Variants in DAP observed in about 807,000 individuals in gnomAD.
The protein encoded by DAP is death-associated protein 1.
A neutral mutation model predicts 13.8 loss-of-function variants in DAP; 8 were observed. The ratio of observed to expected loss-of-function variants is 0.58; its 90% CI spans 0.34 to 1.05. The LOEUF (loss-of-function observed/expected upper bound fraction) is 1.05, where lower values mean the gene tolerates loss of function less well. Among genes scored for constraint, DAP ranks in the 50% least tolerant of loss-of-function variants. The pLI, the probability that DAP is intolerant of heterozygous loss-of-function variation, is 0.03. For synonymous variants in DAP, 47 were observed against 47.5 expected (o/e 0.99, Z 0.04); for missense variants, 106 against 133.2 (o/e 0.80, Z 1.01).
At chr5:10,689,119 G>A (rs1738233006) in intron 2 of DAP, among the ~76,000 whole-genome samples, 1 of 152,150 alleles carries the variant, frequency 6.6e-6, no homozygotes, top group Non-Finnish European at 1.5e-5. Context: ...GTATGTACCC[G>A]GAGAAATGTG....
chr5:10,702,370 TGCAAAAGAG>T (rs77607673), intron 2 of DAP, among the ~76,000 whole-genome samples: 9,498 of 152,248 alleles, frequency 0.062, 319 homozygotes, highest in African/African-American at 0.083. Flanking sequence ...CTCAAAGGCT[TGCAAAAGAG>T]GCAAAAGAGC....
chr5:10,757,879 C>T (rs1289789164), intron 1 of DAP, among the ~76,000 whole-genome samples: 4 of 151,912 alleles, frequency 2.6e-5, no homozygotes, highest in East Asian at 1.9e-4. Context: ...TGTGCCACCC[C>T]GGGAATAAAG....
At chr5:10,742,429 A>G (rs267953) in intron 2 of DAP, among the ~76,000 whole-genome samples, 78,479 of 151,970 alleles carry the variant, frequency 0.52, 22,182 homozygotes, top group Non-Finnish European at 0.64. Context: ...CGGGAGGCTG[A>G]GGCAGGAGAA....
rs529369812 is a variant in DAP at position 10,730,508 on chromosome 5, C to T, written c.152+17667G>A. ...GGGCAATCTTTCTGTACTGAGAGAC[C>T]GGGTCGGGGGGAATCTTTCTCTATT... On this transcript the variant is annotated intron_variant, in intron 2 of 3. Transcript: ENST00000230895. Among the ~76,000 whole-genome samples the T allele has an allele frequency of 7.8e-4, 117 of 150,046 alleles. No individual in the cohort carries two copies. In the South Asian group the frequency reaches 0.022, roughly 29 times the overall value.
intron 2 of DAP, among the ~76,000 whole-genome samples, chr5:10,735,972 T>C (rs1035248577): frequency 2.5e-4 from 38 of 152,250 alleles, no homozygotes; most frequent in African/African-American, 9.1e-4. Context: ...CAGATGTAAT[T>C]AGTTAAGAAG....
At chr5:10,687,419 T>TG (rs1198238967) in intron 2 of DAP, among the ~76,000 whole-genome samples, 23 of 152,336 alleles carry the variant, frequency 1.5e-4, no homozygotes, top group Admixed American at 6.5e-4. Flanking sequence ...TCATGATTCA[T>TG]GGGAGGAGGT....
At chr5:10,690,157 A>G (rs1294910722) in intron 2 of DAP, among the ~76,000 whole-genome samples, 2 of 152,210 alleles carry the variant, frequency 1.3e-5, no homozygotes, top group Non-Finnish European at 2.9e-5. Context: ...AGAAAGTCTT[A>G]TCGAGCCGCA....
chr5:10,719,354 T>A (rs964098849), intron 2 of DAP, among the ~76,000 whole-genome samples: 1 of 152,184 alleles, frequency 6.6e-6, no homozygotes, highest in Non-Finnish European at 1.5e-5. Context: ...ACTTGGGCCA[T>A]ATGACCCAGC....
chr5:10,695,671 G>T (rs940307834), intron 2 of DAP, among the ~76,000 whole-genome samples: 1 of 152,116 alleles, frequency 6.6e-6, no homozygotes, highest in African/African-American at 2.4e-5. Flanking sequence ...CCCTTCCTCA[G>T]AACTACTGCT....
At chr5:10,752,415 A>C (rs1303859744) in intron 1 of DAP, among the ~76,000 whole-genome samples, 4 of 152,250 alleles carry the variant, frequency 2.6e-5, no homozygotes. Context: ...TTCATTTGTA[A>C]AACTACAAAA....
chr5:10,739,187 G>A (rs1299943696), intron 2 of DAP, among the ~76,000 whole-genome samples: 1 of 90,148 alleles, frequency 1.1e-5, no homozygotes, highest in Non-Finnish European at 2.0e-5. Flanking sequence ...GGGTGACAGA[G>A]CAAGACTCTG....
intron 2 of DAP, among the ~76,000 whole-genome samples, chr5:10,685,508 T>A (rs1738134466): frequency 6.7e-6 from 1 of 149,428 alleles, no homozygotes; most frequent in Admixed American, 6.7e-5. Flanking sequence ...TTCTAACATT[T>A]TAGAAAAGAT....
intron 2 of DAP, among the ~76,000 whole-genome samples, chr5:10,737,061 C>G (rs184970363): frequency 3.3e-5 from 5 of 152,320 alleles, no homozygotes; most frequent in African/African-American, 9.6e-5. Context: ...AATATTGGAG[C>G]TGAGCCAGGT....
intron 2 of DAP, among the ~76,000 whole-genome samples, chr5:10,692,382 C>T (rs574072750): frequency 6.6e-5 from 10 of 152,316 alleles, no homozygotes; most frequent in South Asian, 2.1e-4. Flanking sequence ...ACCAGGCAGA[C>T]GGCTGCTGCA....
At chr5:10,700,042 C>A (rs1738533376) in intron 2 of DAP, among the ~76,000 whole-genome samples, 1 of 152,246 alleles carries the variant, frequency 6.6e-6, no homozygotes, top group South Asian at 2.1e-4. Context: ...GAGGGCACAA[C>A]CTCGAGCATG....
At chr5:10,739,201 CAAAAAAAA>C (rs10644743) in intron 2 of DAP, among the ~76,000 whole-genome samples, 12 of 71,602 alleles carry the variant, frequency 1.7e-4, no homozygotes, top group African/African-American at 3.9e-4. Flanking sequence ...GACTCTGAAT[CAAAAAAAA>C]AAAAAAAAAA....
At chr5:10,703,514 T>C (rs568599943) in intron 2 of DAP, among the ~76,000 whole-genome samples, 25 of 152,336 alleles carry the variant, frequency 1.6e-4, no homozygotes, top group African/African-American at 4.8e-4. Context: ...GGAAGCATCA[T>C]TGAGGAAGTA....
At chr5:10,709,072 C>G (rs1235034924) in intron 2 of DAP, among the ~76,000 whole-genome samples, 1 of 152,256 alleles carries the variant, frequency 6.6e-6, no homozygotes, top group Non-Finnish European at 1.5e-5. Flanking sequence ...AGGAATTCAC[C>G]TGGCACCTCT....
At chr5:10,728,775 C>T (rs1739356907) in intron 2 of DAP, among the ~76,000 whole-genome samples, 1 of 152,188 alleles carries the variant, frequency 6.6e-6, no homozygotes, top group African/African-American at 2.4e-5. Flanking sequence ...TGGAGAGATA[C>T]CCCTACGTGG....
Sources: allele counts gnomAD v4.1 joint callset (sites outside exome capture counted in the v4.1 genomes callset), GRCh38; gene constraint gnomAD v4.1.1; transcripts MANE v1.5; gene names NCBI Gene and HGNC (gene_info 2026-07-23, HGNC 2026-07-21).